MBNL1: variants seen among roughly 807,000 people sequenced by gnomAD.
MBNL1 encodes the protein muscleblind like splicing regulator 1, also known as muscleblind-like protein 1.
MBNL1 carries 8 observed loss-of-function variants against 42.2 expected under a neutral mutation model. That is an observed-to-expected ratio of 0.19 (90% confidence interval 0.11 to 0.34). The LOEUF (loss-of-function observed/expected upper bound fraction) is 0.34, where lower values mean the gene tolerates loss of function less well. Ranked by LOEUF, MBNL1 falls within the 10% of genes least tolerant of loss-of-function variation. The pLI is 1.00. For missense variants in MBNL1, 309 were observed against 495.3 expected (o/e 0.62, Z 3.57); for synonymous variants, 169 against 173.9 (o/e 0.97, Z 0.22).
chr3:152,274,411 T>C (rs2043687745), intron 1 of MBNL1, among the ~76,000 whole-genome samples: 1 of 151,966 alleles, frequency 6.6e-6, no homozygotes, highest in Non-Finnish European at 1.5e-5. Context: ...GTAGGGAAAA[T>C]AAGAGCTTCG....
At chr3:152,376,776 A>G (rs2096921227) in intron 2 of MBNL1, among the ~76,000 whole-genome samples, 1 of 151,110 alleles carries the variant, frequency 6.6e-6, no homozygotes, top group Admixed American at 6.6e-5. Flanking sequence ...CTCTCTCTAT[A>G]TATATACGCA....
chr3:152,456,227 C>A, intron 7 of MBNL1, 40 bp from the exon 8 acceptor site: 1 of 1,379,180 alleles, frequency 7.3e-7, no homozygotes, highest in Non-Finnish European at 1.0e-6. Context: ...TATTGCTACA[C>A]TCTTCTGTAT....
chr3:152,437,391 A>T (rs1188824032), intron 4 of MBNL1, among the ~76,000 whole-genome samples: 1 of 152,188 alleles, frequency 6.6e-6, no homozygotes, highest in Non-Finnish European at 1.5e-5. Flanking sequence ...CAGAAAAAAA[A>T]TGTTAAATTG....
chr3:152,316,795 A>G (rs1045567620), intron 2 of MBNL1, among the ~76,000 whole-genome samples: 3 of 152,116 alleles, frequency 2.0e-5, no homozygotes, highest in Non-Finnish European at 4.4e-5. Context: ...GGAAATTTTC[A>G]CATGCTCCAG....
At chr3:152,373,606 C>A (rs529524412) in intron 2 of MBNL1, among the ~76,000 whole-genome samples, 3 of 152,106 alleles carry the variant, frequency 2.0e-5, no homozygotes, top group East Asian at 3.9e-4. Context: ...GGTGATGCAC[C>A]CCCCCTGCTT....
At chr3:152,380,504 A>G (rs1228426403) in intron 2 of MBNL1, among the ~76,000 whole-genome samples, 1 of 152,082 alleles carries the variant, frequency 6.6e-6, no homozygotes, top group East Asian at 1.9e-4. Context: ...ACTAGATGTA[A>G]GCCCCTAAAG....
intron 2 of MBNL1, chr3:152,335,191 T>C (rs999128223): frequency 3.9e-6 from 5 of 1,289,664 alleles, no homozygotes; most frequent in Non-Finnish European, 5.1e-6. Context: ...CTGTATCTTA[T>C]CTATGGAAGA....
At chr3:152,271,330 AAG>A (rs1350742937) in intron 1 of MBNL1, among the ~76,000 whole-genome samples, 1 of 152,218 alleles carries the variant, frequency 6.6e-6, no homozygotes, top group Admixed American at 6.5e-5. Context: ...GGGAAAAAAA[AAG>A]AGTAAAATTA....
intron 2 of MBNL1, among the ~76,000 whole-genome samples, chr3:152,261,297 C>T (rs1420696136): frequency 6.6e-6 from 1 of 152,146 alleles, no homozygotes; most frequent in Admixed American, 6.5e-5. Context: ...GTCATAATTA[C>T]CTCACATACC....
At chr3:152,420,106 A>G (rs2098778627) in intron 3 of MBNL1, among the ~76,000 whole-genome samples, 4 of 152,230 alleles carry the variant, frequency 2.6e-5, no homozygotes. Context: ...CAGTAGCCCT[A>G]GTCAGGGGCT....
At chr3:152,370,785 TTA>T (rs2096625040) in intron 2 of MBNL1, among the ~76,000 whole-genome samples, 1 of 152,186 alleles carries the variant, frequency 6.6e-6, no homozygotes, top group Non-Finnish European at 1.5e-5. Context: ...CTTGGTTGGT[TTA>T]AAGTCTGTTT....
chr3:152,443,485 TACAC>T lies in MBNL1; in HGVS notation c.550-1777_550-1774del, dbSNP rs150370083. ...TTTATGCAGTAGTATATATTTAGCA[TACAC>T]ACACACACACACACACACAACTTTT... On this transcript the variant is annotated intron_variant, in intron 4 of 9. Transcript: ENST00000324210. Among the ~76,000 whole-genome samples, 7 of 144,968 alleles carry T rather than the reference TACAC, an allele frequency of 4.8e-5. No individual in the cohort carries two copies. In the East Asian group the frequency reaches 6.2e-4, roughly 13 times the overall value.
At chr3:152,281,579 C>T (rs1345682777) in intron 1 of MBNL1, among the ~76,000 whole-genome samples, 1 of 152,118 alleles carries the variant, frequency 6.6e-6, no homozygotes, top group Non-Finnish European at 1.5e-5. Context: ...TCTGCCCCAG[C>T]ACTCGCCAAG....
At chr3:152,297,257 T>G (rs1463681022) in intron 1 of MBNL1, among the ~76,000 whole-genome samples, 1 of 150,440 alleles carries the variant, frequency 6.6e-6, no homozygotes, top group Non-Finnish European at 1.5e-5. Flanking sequence ...GACCTTTGTT[T>G]TTTTTTTTTT....
At chr3:152,311,476 ACC>A (rs2066438452) in intron 2 of MBNL1, among the ~76,000 whole-genome samples, 1 of 152,050 alleles carries the variant, frequency 6.6e-6, no homozygotes, top group Non-Finnish European at 1.5e-5. Flanking sequence ...ACCATTCACC[ACC>A]TCTTTGACAA....
intron 2 of MBNL1, among the ~76,000 whole-genome samples, chr3:152,345,502 T>C (rs2152909841): frequency 6.6e-6 from 1 of 152,258 alleles, no homozygotes; most frequent in South Asian, 2.1e-4. Flanking sequence ...AATAGGACTT[T>C]GATATATGCA....
chr3:152,319,718 G>A (rs1407180695), intron 2 of MBNL1, among the ~76,000 whole-genome samples: 1 of 142,198 alleles, frequency 7.0e-6, no homozygotes, highest in Non-Finnish European at 1.5e-5. Flanking sequence ...AAATGACATG[G>A]AAGACAATTA....
chr3:152,415,161 C>T, intron 3 of MBNL1, 50 bp downstream of exon 3: 1 of 1,494,730 alleles, frequency 6.7e-7, no homozygotes, highest in Non-Finnish European at 9.0e-7. Flanking sequence ...TCAAAGTGCT[C>T]AGTTGTAGTA....
At chr3:152,408,689 A>C (rs1196049364) in intron 2 of MBNL1, among the ~76,000 whole-genome samples, 1 of 151,672 alleles carries the variant, frequency 6.6e-6, no homozygotes, top group Non-Finnish European at 1.5e-5. Flanking sequence ...CAGGCAGATG[A>C]ATACAGCCCC....
Sources: allele counts gnomAD v4.1 joint callset (sites outside exome capture counted in the v4.1 genomes callset), GRCh38; gene constraint gnomAD v4.1.1; transcripts MANE v1.5; gene names NCBI Gene and HGNC (gene_info 2026-07-23, HGNC 2026-07-21).